NOS1: variants seen among roughly 807,000 people sequenced by gnomAD.
NOS1 encodes nitric oxide synthase 1.
In NOS1, 51 loss-of-function variants were observed where a neutral mutation model predicts 164.5. The ratio of observed to expected loss-of-function variants is 0.31; its 90% CI spans 0.25 to 0.39. NOS1 has a LOEUF of 0.39. Ranked by LOEUF, NOS1 falls within the 10% of genes least tolerant of loss-of-function variation. The probability of loss-of-function intolerance (pLI) is 1.00; values close to 1 mark genes in which losing one functional copy is unlikely to be tolerated. For missense variants in NOS1, 1,362 were observed against 1,885.6 expected, an observed-to-expected ratio of 0.72 and a Z score of 5.14; for synonymous variants, 719 against 745.8, an observed-to-expected ratio of 0.96 and a Z score of 0.59.
chr12:117,219,948 A>G lies in NOS1; in HGVS notation c.4170+127T>C. 5.8e-6 allele frequency: 5 copies of G among 863,728 alleles called. No individual in the cohort carries two copies. In the South Asian group the frequency reaches 8.3e-5, roughly 14 times the overall value. 53.5% of individuals were successfully genotyped at this position (863,728 alleles called of 1,614,324 possible). A position where few individuals can be genotyped will look rare whatever the true frequency, so the allele number is the denominator to read the frequency against. On this transcript the variant is annotated intron_variant, in intron 27 of 28. Coordinates refer to ENST00000317775, the MANE Select transcript of NOS1 (RefSeq NM_000620.5). ...ATCTATATCCTCTACCCTCAGTGGT[A>G]AGTGCAACGAATGGGAGCAGGGATA...
At chr12:117,218,895 T>G (rs1471261427) in intron 27 of NOS1, among the ~76,000 whole-genome samples, 1 of 151,854 alleles carries the variant, frequency 6.6e-6, no homozygotes, top group Non-Finnish European at 1.5e-5. Context: ...GTTGGGAGTG[T>G]GCGTCTGGCA....
In NOS1 at chr12:117,286,303, C is replaced by G. The variant is rs755327158; in HGVS notation, c.1128-37G>C. 13 of 1,608,912 alleles carry G rather than the reference C, an allele frequency of 8.1e-6. No individual in the cohort carries two copies. In the East Asian group the frequency reaches 2.7e-4, roughly 33 times the overall value. ...GGAAGGGACATGGGAACATCACCCC[C>G]TCTTCTGAATTAGAAGTTAGTGGAA... On this transcript the variant is annotated intron_variant, in intron 5 of 28. Coordinates refer to ENST00000317775, the MANE Select transcript of NOS1 (RefSeq NM_000620.5).
intron 1 of NOS1, among the ~76,000 whole-genome samples, chr12:117,352,057 C>T (rs1876644591): frequency 6.6e-6 from 1 of 152,136 alleles, no homozygotes; most frequent in Admixed American, 6.5e-5. Context: ...CCTGTAGTCC[C>T]AGCTACTCAG....
At chr12:117,223,815 T>C (rs868311440) in intron 25 of NOS1, among the ~76,000 whole-genome samples, 14 of 152,178 alleles carry the variant, frequency 9.2e-5, no homozygotes, top group South Asian at 4.2e-4. Context: ...CCACCATGCC[T>C]GGCTAATTTT....
intron 1 of NOS1, among the ~76,000 whole-genome samples, chr12:117,342,233 C>T (rs771317281): frequency 1.3e-5 from 2 of 152,096 alleles, no homozygotes; most frequent in Non-Finnish European, 1.5e-5. Context: ...GGGCAGTCAG[C>T]GTGGAGCTTG....
chr12:117,251,862 G>T (rs1871127845), intron 17 of NOS1, among the ~76,000 whole-genome samples: 1 of 151,914 alleles, frequency 6.6e-6, no homozygotes, highest in African/African-American at 2.4e-5. Context: ...CTCCAGAGTA[G>T]CTGGGACCAC....
intron 2 of NOS1, among the ~76,000 whole-genome samples, chr12:117,329,252 G>C (rs1396969501): frequency 1.3e-5 from 2 of 152,188 alleles, no homozygotes; most frequent in Non-Finnish European, 1.5e-5. Context: ...TTAGGACAGT[G>C]CCTGACACAC....
chr12:117,342,568 A>C (rs1876163813), intron 1 of NOS1, among the ~76,000 whole-genome samples: 2 of 152,106 alleles, frequency 1.3e-5, no homozygotes, highest in South Asian at 4.1e-4. Context: ...TGACAGAAGA[A>C]AGCCATGTCA....
At chr12:117,336,510 G>A (rs1189772591) in intron 1 of NOS1, among the ~76,000 whole-genome samples, 2 of 152,206 alleles carry the variant, frequency 1.3e-5, no homozygotes, top group Non-Finnish European at 2.9e-5. Context: ...TGTGCTGCAA[G>A]AGTAAAGTGC....
At chr12:117,283,169 T>C (rs1873827703) in intron 7 of NOS1, among the ~76,000 whole-genome samples, 1 of 151,002 alleles carries the variant, frequency 6.6e-6, no homozygotes, top group South Asian at 2.1e-4. Context: ...CAAGCAATCC[T>C]CCCACCTCAG....
chr12:117,264,398 A>T (rs1872195425), intron 12 of NOS1, among the ~76,000 whole-genome samples: 1 of 151,866 alleles, frequency 6.6e-6, no homozygotes. Flanking sequence ...TCAGCCTCCC[A>T]AATAGCTGGG....
intron 1 of NOS1, among the ~76,000 whole-genome samples, chr12:117,357,093 C>A (rs1270957911): frequency 6.6e-6 from 1 of 152,146 alleles, no homozygotes; most frequent in Non-Finnish European, 1.5e-5. Context: ...GAGGCCAAGG[C>A]AGGCAGATGG....
intron 13 of NOS1, 139 bp downstream of exon 13, chr12:117,263,750 G>A: frequency 1.6e-6 from 1 of 628,090 alleles, no homozygotes; most frequent in East Asian, 2.7e-5. Context: ...AGGCAAAGAA[G>A]GCCCAGGTGG....
At position 117,214,096 on chromosome 12, in the gene NOS1, C is replaced by T. The variant is rs1323286543; in HGVS notation, c.*1213G>A. 1.8e-5 allele frequency: 18 copies of T among 985,320 alleles called. No homozygotes were observed. The highest frequency in any genetic ancestry group is 3.5e-5 in the African/African-American group (2 of 57,244). 61.0% of individuals were successfully genotyped at this position (985,320 alleles called of 1,614,324 possible). On this transcript the variant is annotated 3_prime_UTR_variant, in exon 29 of 29. Transcript: ENST00000317775. Reference sequence around the variant, plus strand: ...GTTGTGGCTCCTATCGAAGAAGCCACGTGGGACCTCATTATGGCAACTCTT... The same window carrying T: ...GTTGTGGCTCCTATCGAAGAAGCCATGTGGGACCTCATTATGGCAACTCTT...
intron 1 of NOS1, among the ~76,000 whole-genome samples, chr12:117,351,020 A>G (rs1393062422): frequency 6.6e-6 from 1 of 152,180 alleles, no homozygotes; most frequent in African/African-American, 2.4e-5. Flanking sequence ...AGGCTGATGC[A>G]GGAGAATGGC....
Position 117,243,335 on chromosome 12 carries a change from C to T in NOS1, c.2924G>A (p.Arg975His), listed in dbSNP as rs561693400. 22 of 1,614,130 alleles carry T rather than the reference C, an allele frequency of 1.4e-5. No homozygotes were observed. Among genetic ancestry groups the T allele is most frequent in the East Asian group, 8.9e-5 (4 of 44,880 alleles). Residue 975 changes from arginine to histidine, a missense_variant, in exon 19 of 29, where the codon CGC (arginine) becomes CAC (histidine). Physicochemically the swap from Arg to His is conservative, Grantham distance 29. Transcript: ENST00000317775. The surrounding 1 kb of genome is among the most constrained non-coding windows in gnomAD (Gnocchi z 4.3). ...NDRSWKRNKF[R>H]LTFVAEAPEL... ...TGGAGCTTCGGCCACAAAGGTGAGG[C>T]GGAACTTGTTTCTCTTCCAGCTGCG...
intron 11 of NOS1, 79 bp downstream of exon 11, chr12:117,267,964 T>C (rs753617474): frequency 2.7e-5 from 28 of 1,036,130 alleles, no homozygotes; most frequent in Non-Finnish European, 3.7e-5. Flanking sequence ...TGAGGTCTCT[T>C]GATCCTCTGC....
chr12:117,269,427 A>G (rs575324281), intron 10 of NOS1, among the ~76,000 whole-genome samples: 1 of 142,626 alleles, frequency 7.0e-6, no homozygotes, highest in East Asian at 2.3e-4. Flanking sequence ...GTTATTCCAG[A>G]TGTGACGGGC....
chr12:117,313,620 G>A (rs478597), intron 2 of NOS1, among the ~76,000 whole-genome samples: 52,993 of 151,862 alleles, frequency 0.35, 9,619 homozygotes, highest in Middle Eastern at 0.43. Context: ...TACCCACTAA[G>A]TTTTCCTGGC....
Sources: gnomAD v4.1 joint callset for allele counts (sites outside exome capture counted in the v4.1 genomes callset) on GRCh38, gnomAD v4.1.1 for gene constraint, Gnocchi (gnomAD v3.1) non-coding constraint, MANE v1.5 for transcripts, NCBI Gene and HGNC (gene_info 2026-07-23, HGNC 2026-07-21) for gene names.